Variants in CDC42 observed in about 807,000 individuals in gnomAD.
CDC42 encodes the protein cell division cycle 42.
Under a neutral mutation model 20.8 loss-of-function variants are expected in CDC42, and 1 was observed. That is an observed-to-expected ratio of 0.05 (90% confidence interval 0.02 to 0.23). CDC42 has a LOEUF of 0.23. Ranked by LOEUF, CDC42 falls within the 10% of genes least tolerant of loss-of-function variation. The pLI, the probability that CDC42 is intolerant of heterozygous loss-of-function variation, is 1.00. For missense variants in CDC42, 49 were observed against 227.9 expected (o/e 0.21, Z 5.05); for synonymous variants, 72 against 84.8 (o/e 0.85, Z 0.83).
chr1:22,061,153 T>C (rs1046337195), intron 1 of CDC42, among the ~76,000 whole-genome samples: 12 of 152,190 alleles, frequency 7.9e-5, no homozygotes, highest in African/African-American at 2.9e-4. Flanking sequence ...ACGCCTGTAA[T>C]CCCAGCACTT....
rs1239123150 is a variant in CDC42, at chr1:22,091,700, A to G, written c.*183A>G. ...GTATGGCCCCCCCCTTCCCCCTCCC[A>G]GTACTAGTTAATTTTGAGTAATTGT... On this transcript the variant is annotated 3_prime_UTR_variant, in exon 6 of 6. Transcript: ENST00000656825. 4 of 348,422 alleles carry G rather than the reference A, an allele frequency of 1.1e-5. No homozygotes were observed. Among genetic ancestry groups the G allele is most frequent in the Non-Finnish European group, 2.1e-5 (4 of 194,538 alleles). 21.6% of individuals were successfully genotyped at this position (348,422 alleles called of 1,614,324 possible).
intron 1 of CDC42, among the ~76,000 whole-genome samples, chr1:22,054,678 G>A (rs1334034476): frequency 6.6e-6 from 1 of 151,750 alleles, no homozygotes; most frequent in East Asian, 1.9e-4. Flanking sequence ...GTAGGTTCAA[G>A]GCAGCTTTCT....
intron 1 of CDC42, among the ~76,000 whole-genome samples, chr1:22,077,717 C>T (rs1645566572): frequency 6.6e-6 from 1 of 152,116 alleles, no homozygotes; most frequent in African/African-American, 2.4e-5. Context: ...ATTAATGACT[C>T]TTTGGTACTT....
intron 3 of CDC42, among the ~76,000 whole-genome samples, chr1:22,085,651 A>G (rs1024141449): frequency 6.6e-6 from 1 of 152,104 alleles, no homozygotes. Context: ...AGTTAATTCT[A>G]AGTATTTTTA....
intron 1 of CDC42, among the ~76,000 whole-genome samples, chr1:22,056,605 T>G (rs1310280798): frequency 6.6e-6 from 1 of 152,246 alleles, no homozygotes; most frequent in Non-Finnish European, 1.5e-5. Flanking sequence ...TAAAGCAATT[T>G]TCATTACTTG....
intron 2 of CDC42, 52 bp downstream of exon 2, chr1:22,078,635 C>A: frequency 6.4e-7 from 1 of 1,559,746 alleles, no homozygotes; most frequent in South Asian, 1.2e-5. Flanking sequence ...ATTTGATATC[C>A]TTTTGAAAAC....
At position 22,086,710 on chromosome 1, in the gene CDC42, C is replaced by T. The variant is rs1428656243; in HGVS notation, c.330C>T (p.Phe110=). The stretch of plus-strand genomic sequence containing the variant: ...CTCACCACTGTCCAAAGACTCCTTT[C>T]TTGCTTGTTGGGACTCAAATTGATC... ...EITHHCPKTP[F]LLVGTQIDLR... is the part of the protein sequence containing the mutation. The change falls in exon 5 of 6, where the codon TTC becomes TTT. Residue 110 remains phenylalanine, a synonymous_variant. Coordinates refer to ENST00000656825, the MANE Select transcript of CDC42 (RefSeq NM_001791.4). 2 of 1,614,064 alleles carry T rather than the reference C, an allele frequency of 1.2e-6. No individual in the cohort carries two copies. The highest frequency in any genetic ancestry group is 1.7e-6 in the Non-Finnish European group (2 of 1,179,992).
At chr1:22,081,564 G>A (rs558030717) in intron 2 of CDC42, among the ~76,000 whole-genome samples, 158 bp from the exon 3 acceptor site, 9 of 152,196 alleles carry the variant, frequency 5.9e-5, no homozygotes, top group Non-Finnish European at 1.3e-4. Context: ...TTTAGCTCAT[G>A]CAAGGACTGG....
At chr1:22,067,158 T>TTCTGTTTAG (rs1301043976) in intron 1 of CDC42, among the ~76,000 whole-genome samples, 1 of 152,070 alleles carries the variant, frequency 6.6e-6, no homozygotes, top group East Asian at 1.9e-4. Flanking sequence ...TTGCCATGGG[T>TTCTGTTTAG]TCTGTTTAGT....
intron 5 of CDC42, 22 bp downstream of exon 5, chr1:22,086,888 A>G (rs1645666538): frequency 1.3e-6 from 2 of 1,583,302 alleles, no homozygotes; most frequent in African/African-American, 2.7e-5. Flanking sequence ...ATGAAACCCC[A>G]TGTGTATTTA....
At chr1:22,077,571 T>TA (rs1269900318) in intron 1 of CDC42, among the ~76,000 whole-genome samples, 1 of 152,156 alleles carries the variant, frequency 6.6e-6, no homozygotes, top group Non-Finnish European at 1.5e-5. Context: ...AGAAAACTGT[T>TA]AAAGTATTTC....
intron 1 of CDC42, among the ~76,000 whole-genome samples, chr1:22,061,433 C>T (rs1158728043): frequency 6.8e-6 from 1 of 147,894 alleles, no homozygotes; most frequent in Non-Finnish European, 1.5e-5. Flanking sequence ...AAAAGAAACC[C>T]TTTATTATAT....
intron 1 of CDC42, among the ~76,000 whole-genome samples, chr1:22,070,735 A>G (rs1382641081): frequency 6.6e-6 from 1 of 151,960 alleles, no homozygotes; most frequent in Non-Finnish European, 1.5e-5. Flanking sequence ...AAATGCTGGG[A>G]TTACAGGCGT....
At chr1:22,060,729 A>G (rs16826285) in intron 1 of CDC42, among the ~76,000 whole-genome samples, 63 of 152,338 alleles carry the variant, frequency 4.1e-4, no homozygotes, top group Non-Finnish European at 6.2e-4. Context: ...TTAGCTGAAT[A>G]CTATTGGAGA....
At position 22,065,948 on chromosome 1, in the gene CDC42, C is replaced by T. The variant is rs146800247; in HGVS notation, c.-50-12481C>T. Among the ~76,000 whole-genome samples the T allele has an allele frequency of 1.6e-4, 25 of 152,060 alleles. No individual in the cohort carries two copies. In the East Asian group the frequency reaches 4.4e-3, roughly 27 times the overall value. On this transcript the variant is annotated intron_variant, in intron 1 of 5. Transcript: ENST00000656825. ...TAATTTTTTGTAGTTTTAGCAGAGACGGGATTTCACCATGTTGGCTAGGCT... is the reference window on the plus strand; with the variant it reads ...TAATTTTTTGTAGTTTTAGCAGAGATGGGATTTCACCATGTTGGCTAGGCT...
At chr1:22,071,524 C>T (rs1645492241) in intron 1 of CDC42, among the ~76,000 whole-genome samples, 1 of 152,166 alleles carries the variant, frequency 6.6e-6, no homozygotes, top group Admixed American at 6.5e-5. Context: ...GCCTAAAAAT[C>T]ACATGCATGG....
chr1:22,054,541 A>T (rs1000276866), intron 1 of CDC42, among the ~76,000 whole-genome samples: 1 of 152,090 alleles, frequency 6.6e-6, no homozygotes. Context: ...AAAAATGTTG[A>T]CTCTGTAAAG....
intron 2 of CDC42, among the ~76,000 whole-genome samples, chr1:22,079,581 G>GT (rs969542088): frequency 1.5e-4 from 23 of 149,362 alleles, no homozygotes; most frequent in African/African-American, 2.7e-4. Context: ...AATAAGGAAA[G>GT]TTTTTTTTTT....
At position 22,078,886 on chromosome 1, in the gene CDC42, C is replaced by CTT. The variant is rs34952712; in HGVS notation, c.105+320_105+321dup. On this transcript the variant is annotated intron_variant, in intron 2 of 5. Coordinates refer to ENST00000656825, the MANE Select transcript of CDC42 (RefSeq NM_001791.4). The stretch of plus-strand genomic sequence containing the variant: ...TGCCCTACATCTTGGAATGAGGTGA[C>CTT]TTTTTTTTTTTTTTTTTTGATATTT... 5,443 of 998,286 alleles carry CTT rather than the reference C, an allele frequency of 5.5e-3. 5 individuals carry two copies. The highest frequency in any genetic ancestry group is 0.017 in the East Asian group (252 of 14,578). 61.8% of individuals were successfully genotyped at this position (998,286 alleles called of 1,614,324 possible).
Sources: gnomAD v4.1 joint callset for allele counts (sites outside exome capture counted in the v4.1 genomes callset) on GRCh38, gnomAD v4.1.1 for gene constraint, MANE v1.5 for transcripts, NCBI Gene and HGNC (gene_info 2026-07-23, HGNC 2026-07-21) for gene names.